PCDHGB1: variants seen among roughly 807,000 people sequenced by gnomAD.
The protein encoded by PCDHGB1 is protocadherin gamma-B1.
PCDHGB1 carries 34 observed loss-of-function variants against 56.6 expected under a neutral mutation model. The ratio of observed to expected loss-of-function variants is 0.60; its 90% confidence interval spans 0.46 to 0.80. The LOEUF is 0.80. Ranked by LOEUF, PCDHGB1 falls within the 30% of genes least tolerant of loss-of-function variation. The pLI is 0.00. For synonymous variants in PCDHGB1, 561 were observed against 505.9 expected (o/e 1.11, Z -1.46); for missense variants, 1,278 against 1,204.6 (o/e 1.06, Z -0.90).
chr5:141,430,315 T>C (rs185896854), intron 1 of PCDHGB1, among the ~76,000 whole-genome samples: 58 of 151,980 alleles, frequency 3.8e-4, no homozygotes, highest in African/African-American at 1.3e-3. Context: ...CATTATAAGA[T>C]TAAAATCATT....
chr5:141,374,438 G>T (rs760020224), intron 1 of PCDHGB1: 3 of 1,613,736 alleles, frequency 1.9e-6, no homozygotes, highest in Non-Finnish European at 2.5e-6. Flanking sequence ...TCTTTATCCC[G>T]TGGAAGTGGA....
rs780383828 is a variant in PCDHGB1, at chr5:141,422,708, A to G, written c.2409+70039A>G. ...GCCCTGGTCACTTACTCTCTGACGGATGACACTGTCCAGGGGGTGCCTCTG... is the reference window on the plus strand; with the variant it reads ...GCCCTGGTCACTTACTCTCTGACGGGTGACACTGTCCAGGGGGTGCCTCTG... On this transcript the variant is annotated intron_variant, in intron 1 of 3. Transcript: ENST00000523390. 28 of 1,603,464 alleles carry G rather than the reference A, an allele frequency of 1.7e-5. No individual in the cohort carries two copies. The East Asian group carries it at 3.8e-4, about 22-fold the overall frequency.
rs199756911 is a variant in PCDHGB1 at position 141,365,042 on chromosome 5, A to T, written c.2409+12373A>T. On this transcript the variant is annotated intron_variant, in intron 1 of 3. Coordinates refer to ENST00000523390, the MANE Select transcript of PCDHGB1 (RefSeq NM_018922.3). ...TGTTACGGTCCTCGACGCAAACGAC[A>T]ATGCGCCCCTGTTCACCCCATCCGA... 1.5e-4 allele frequency: 244 copies of T among 1,613,726 alleles called. No individual in the cohort carries two copies. Among genetic ancestry groups the T allele is most frequent in the Non-Finnish European group, 1.9e-4 (219 of 1,179,898 alleles).
rs370284141 is a variant in PCDHGB1, at chr5:141,421,654, G to A, written c.2409+68985G>A. On this transcript the variant is annotated intron_variant, in intron 1 of 3. Coordinates refer to ENST00000523390, the MANE Select transcript of PCDHGB1 (RefSeq NM_018922.3). ...CCAGGAGGACGAAGTGGAGATAAAA[G>A]TCAGTGAGCACGCAATTCCTGGGGC... The A allele has an allele frequency of 3.5e-5, 57 of 1,613,746 alleles. No individual in the cohort carries two copies. Among genetic ancestry groups the A allele is most frequent in the Admixed American group, 5.0e-5 (3 of 59,974 alleles).
intron 1 of PCDHGB1, chr5:141,423,619 T>A (rs1389600826): frequency 1.2e-6 from 2 of 1,608,208 alleles, no homozygotes; most frequent in Non-Finnish European, 1.7e-6. Context: ...AGCTGAAGAC[T>A]CAGCTATCAT....
intron 1 of PCDHGB1, chr5:141,409,446 C>A: frequency 6.2e-7 from 1 of 1,613,984 alleles, no homozygotes; most frequent in Middle Eastern, 1.6e-4. Flanking sequence ...CGAGAGCAGA[C>A]ACCAGAATAC....
intron 1 of PCDHGB1, chr5:141,400,093 C>G (rs1225718379): frequency 1.2e-6 from 2 of 1,614,094 alleles, no homozygotes; most frequent in Non-Finnish European, 1.7e-6. Context: ...CACCGCCACG[C>G]TGCACTTGGT....
chr5:141,389,215 A>G (rs2150378532), intron 1 of PCDHGB1: 1 of 1,614,010 alleles, frequency 6.2e-7, no homozygotes, highest in Non-Finnish European at 8.5e-7. Flanking sequence ...GGTGATGTAA[A>G]TGACAACGCT....
At chr5:141,406,072 CT>C (rs530474569) in intron 1 of PCDHGB1, among the ~76,000 whole-genome samples, 16,756 of 141,280 alleles carry the variant, frequency 0.12, 1,110 homozygotes, top group African/African-American at 0.2. Flanking sequence ...ATTCTTACTC[CT>C]TTTTTTTTTT....
chr5:141,371,136 A>C (rs775992488), intron 1 of PCDHGB1: 1 of 1,614,042 alleles, frequency 6.2e-7, no homozygotes, highest in Non-Finnish European at 8.5e-7. Context: ...GGACATGTAC[A>C]GGGTCAATGT....
chr5:141,399,603 A>G, intron 1 of PCDHGB1: 1 of 1,613,950 alleles, frequency 6.2e-7, no homozygotes, highest in Non-Finnish European at 8.5e-7. Flanking sequence ...CCAGCGACCT[A>G]GAGCCTCTGG....
chr5:141,487,593 C>G lies in PCDHGB1; in HGVS notation c.2410-7214C>G. The G allele has an allele frequency of 6.2e-7, 1 of 1,614,206 alleles. No homozygotes were observed. Among genetic ancestry groups the G allele is most frequent in the African/African-American group, 1.3e-5 (1 of 75,062 alleles). On this transcript the variant is annotated intron_variant, in intron 1 of 3. Coordinates refer to ENST00000523390, the MANE Select transcript of PCDHGB1 (RefSeq NM_018922.3). This position sits in a 1 kb window ranked among gnomAD's most constrained non-coding sequence, Gnocchi z 5.0. ...CCTGTTCGCCCAAGCTGCCCACCCT[C>G]TGATCTTCTCTATGGGCTAGAGGTG...
rs527641698 is a variant in PCDHGB1 at position 141,410,317 on chromosome 5, C to G, written c.2409+57648C>G. The G allele has an allele frequency of 2.5e-6, 4 of 1,613,892 alleles. No homozygotes were observed. In the East Asian group the frequency reaches 6.7e-5, roughly 27 times the overall value. ...CCTTAATCTCAGTGCTCTTCCTCCT[C>G]GCCGTGATTCTGGCCATTGCCTTGC... On this transcript the variant is annotated intron_variant, in intron 1 of 3. Transcript: ENST00000523390.
chr5:141,395,124 C>T, intron 1 of PCDHGB1: 2 of 1,614,194 alleles, frequency 1.2e-6, no homozygotes, highest in Non-Finnish European at 1.7e-6. Context: ...CCTGATCTTT[C>T]CCCAGCCCAA....
chr5:141,419,258 C>A, intron 1 of PCDHGB1: 3 of 1,614,028 alleles, frequency 1.9e-6, no homozygotes, highest in Non-Finnish European at 2.5e-6. Flanking sequence ...AAACAACCAG[C>A]CGGGTGCCTC....
At chr5:141,394,175 T>A in intron 1 of PCDHGB1, 1 of 1,613,944 alleles carries the variant, frequency 6.2e-7, no homozygotes, top group South Asian at 1.1e-5. Flanking sequence ...CTTTCCCTCA[T>A]GCCTCCTACT....
At chr5:141,399,806 A>G in intron 1 of PCDHGB1, 1 of 1,613,106 alleles carries the variant, frequency 6.2e-7, no homozygotes, top group Non-Finnish European at 8.5e-7. Context: ...CGGGTGCTGT[A>G]CCCCGCGCTG....
intron 1 of PCDHGB1, chr5:141,415,179 G>A: frequency 6.2e-7 from 1 of 1,613,934 alleles, no homozygotes; most frequent in Non-Finnish European, 8.5e-7. Flanking sequence ...CCGTGGCCGT[G>A]GCCGACAGCA....
chr5:141,394,558 C>T (rs2093032633), intron 1 of PCDHGB1: 4 of 1,614,108 alleles, frequency 2.5e-6, no homozygotes, highest in Non-Finnish European at 3.4e-6. Flanking sequence ...CCCCGCTCCG[C>T]AGAGCGTGGC....
Sources: gnomAD v4.1 joint callset for allele counts (sites outside exome capture counted in the v4.1 genomes callset) on GRCh38, gnomAD v4.1.1 for gene constraint, Gnocchi (gnomAD v3.1) non-coding constraint, MANE v1.5 for transcripts, NCBI Gene and HGNC (gene_info 2026-07-23, HGNC 2026-07-21) for gene names.